Variants in SCAND3 observed in about 807,000 individuals in gnomAD.
The protein encoded by SCAND3 is SCAN domain containing 3.
chr6:28,597,473 AATAAT>A, the SCAND3 span, among the ~76,000 whole-genome samples: 1 of 151,952 alleles, frequency 6.6e-6, no homozygotes, highest in Non-Finnish European at 1.5e-5. Context: ...TTAGTCCTGT[AATAAT>A]ATATTTTTAA....
At chr6:28,589,224 G>A in the SCAND3 span, 2 of 152,176 alleles carry the variant, frequency 1.3e-5, no homozygotes, top group African/African-American at 4.8e-5. Context: ...ATTTTATTTT[G>A]ACAGTTACTC....
At chr6:28,589,867 T>TTG in the SCAND3 span, 5 of 150,708 alleles carry the variant, frequency 3.3e-5, no homozygotes, top group Non-Finnish European at 7.4e-5. Context: ...TTTTTTTTTT[T>TTG]TTTTTTCGCT....
the SCAND3 span, chr6:28,573,005 A>G: frequency 6.2e-7 from 1 of 1,613,480 alleles, no homozygotes; most frequent in African/African-American, 1.3e-5. Context: ...CAAAATTTAA[A>G]TTCCAAACCA....
chr6:28,574,060 C>T, the SCAND3 span, among the ~76,000 whole-genome samples: 2 of 152,058 alleles, frequency 1.3e-5, no homozygotes, highest in Non-Finnish European at 2.9e-5. Context: ...TTGTGTTTGA[C>T]TAGTGTGTAA....
At chr6:28,571,243 G>C in the SCAND3 span, 1 of 152,164 alleles carries the variant, frequency 6.6e-6, no homozygotes, top group Non-Finnish European at 1.5e-5. Context: ...GAACCCAGGA[G>C]GTACAGGTTG....
chr6:28,586,544 G>T, the SCAND3 span: 3 of 1,614,214 alleles, frequency 1.9e-6, no homozygotes, highest in East Asian at 2.2e-5. This position sits in a 1 kb window ranked among gnomAD's most constrained non-coding sequence, Gnocchi z 4.4. Context: ...CCTGATAGCA[G>T]AACTGCCTGA....
At chr6:28,575,208 C>A in the SCAND3 span, 1 of 1,614,032 alleles carries the variant, frequency 6.2e-7, no homozygotes, top group Non-Finnish European at 8.5e-7. The surrounding 1 kb of genome is among the most constrained non-coding windows in gnomAD (Gnocchi z 4.2). Context: ...GAATGAACCA[C>A]AAAAATTCAG....
the SCAND3 span, among the ~76,000 whole-genome samples, chr6:28,605,849 AAAG>A: frequency 1.3e-5 from 2 of 152,084 alleles, no homozygotes; most frequent in Non-Finnish European, 2.9e-5. Context: ...TGTCTCAGAA[AAAG>A]AAAGAAAGAA....
At chr6:28,610,188 A>C in the SCAND3 span, among the ~76,000 whole-genome samples, 1 of 152,216 alleles carries the variant, frequency 6.6e-6, no homozygotes, top group South Asian at 2.1e-4. Flanking sequence ...AAATAACCTT[A>C]ATTTTTTTAA....
At chr6:28,610,595 A>C in the SCAND3 span, among the ~76,000 whole-genome samples, 1 of 152,266 alleles carries the variant, frequency 6.6e-6, no homozygotes, top group African/African-American at 2.4e-5. Flanking sequence ...AGAAACAAAG[A>C]ACAAAGTCAT....
the SCAND3 span, chr6:28,574,523 G>A: frequency 8.2e-6 from 7 of 855,460 alleles, no homozygotes; most frequent in Non-Finnish European, 1.1e-5. Context: ...CTTCTTTGGG[G>A]GAAATATATC....
chr6:28,598,745 C>A, the SCAND3 span, among the ~76,000 whole-genome samples: 1 of 146,504 alleles, frequency 6.8e-6, no homozygotes, highest in South Asian at 2.1e-4. Flanking sequence ...AGTGCGGCGG[C>A]GCGCACTTGT....
the SCAND3 span, chr6:28,586,670 T>C: frequency 6.2e-7 from 1 of 1,614,050 alleles, no homozygotes; most frequent in South Asian, 1.1e-5. The surrounding 1 kb of genome is among the most constrained non-coding windows in gnomAD (Gnocchi z 4.4). Context: ...CTTGTTCTTC[T>C]GGAGCCTGGC....
chr6:28,615,600 C>A, the SCAND3 span, among the ~76,000 whole-genome samples: 48 of 115,646 alleles, frequency 4.2e-4, no homozygotes, highest in Middle Eastern at 4.3e-3. Flanking sequence ...GACTCCATCT[C>A]AAAAAAAAAA....
the SCAND3 span, among the ~76,000 whole-genome samples, chr6:28,610,134 G>C: frequency 1.3e-5 from 2 of 152,184 alleles, no homozygotes; most frequent in South Asian, 2.1e-4. Flanking sequence ...TGAGGTACAA[G>C]AATGGCTTAA....
chr6:28,593,885 T>C, the SCAND3 span, among the ~76,000 whole-genome samples: 1 of 152,246 alleles, frequency 6.6e-6, no homozygotes, highest in Admixed American at 6.5e-5. Flanking sequence ...TTATTTATTT[T>C]GTAGAGATGG....
chr6:28,599,732 T>A, the SCAND3 span, among the ~76,000 whole-genome samples: 1 of 152,182 alleles, frequency 6.6e-6, no homozygotes, highest in East Asian at 1.9e-4. Flanking sequence ...AATTGCCCAG[T>A]CTTGGGTGTG....
chr6:28,579,249 T>A, the SCAND3 span: 1 of 1,605,300 alleles, frequency 6.2e-7, no homozygotes, highest in East Asian at 2.2e-5. The surrounding 1 kb of genome is among the most constrained non-coding windows in gnomAD (Gnocchi z 4.5). Context: ...TCACCTTCTT[T>A]CTTAGAACTA....
chr6:28,575,551 T>G, the SCAND3 span: 1 of 1,613,886 alleles, frequency 6.2e-7, no homozygotes, highest in African/African-American at 1.3e-5. The surrounding 1 kb of genome is among the most constrained non-coding windows in gnomAD (Gnocchi z 4.2). Context: ...CCCATCAGGA[T>G]TCAACTGCAT....
Sources: allele counts gnomAD v4.1 joint callset (sites outside exome capture counted in the v4.1 genomes callset), GRCh38; gene constraint gnomAD v4.1.1; non-coding constraint Gnocchi (gnomAD v3.1); transcripts MANE v1.5; gene names NCBI Gene and HGNC (gene_info 2026-07-23, HGNC 2026-07-21).